SPRED2: variants seen among roughly 807,000 people sequenced by gnomAD.
SPRED2 encodes the protein sprouty-related, EVH1 domain-containing protein 2.
In SPRED2, 47 loss-of-function variants were observed where a neutral mutation model predicts 43.0. The ratio of observed to expected loss-of-function variants is 1.09; its 90% CI spans 0.87 to 1.40. SPRED2 has a LOEUF of 1.40. SPRED2 is among the 40% of genes most tolerant of loss of function. The pLI, the probability that SPRED2 is intolerant of heterozygous loss-of-function variation, is 0.00. For missense variants in SPRED2, 561 were observed against 586.4 expected (o/e 0.96, Z 0.45); for synonymous variants, 225 against 225.7 (o/e 1.00, Z 0.03).
At chr2:65,384,580 G>C (rs974466780) in intron 1 of SPRED2, among the ~76,000 whole-genome samples, 1 of 152,134 alleles carries the variant, frequency 6.6e-6, no homozygotes, top group Admixed American at 6.5e-5. Context: ...GGTAGCATAG[G>C]GTGCAGGCCC....
rs1317444816 is a variant in SPRED2 at position 65,313,431 on chromosome 2, G to C, written c.*70C>G. ...CCTTGGAGTGGAAGGGAGCGGGGGA[G>C]AAGATGAGAGTATGTAAGAGACGAG... On this transcript the variant is annotated 3_prime_UTR_variant, in exon 6 of 6. Coordinates refer to ENST00000356388, the MANE Select transcript of SPRED2 (RefSeq NM_181784.3). 6.5e-7 allele frequency: 1 copy of C among 1,529,536 alleles called. No individual in the cohort carries two copies. Among genetic ancestry groups the C allele is most frequent in the Non-Finnish European group, 8.8e-7 (1 of 1,142,056 alleles). The allele number at this position is 1,529,536 out of a possible 1,614,324, so 94.7% of individuals were successfully genotyped here.
At chr2:65,419,577 T>TTGTGTGTG (rs10541896) in intron 1 of SPRED2, among the ~76,000 whole-genome samples, 63 of 148,998 alleles carry the variant, frequency 4.2e-4, no homozygotes, top group East Asian at 2.2e-3. Context: ...GGGATTATAG[T>TTGTGTGTG]TGTGTGTGTG....
chr2:65,366,514 T>G, intron 1 of SPRED2: 1 of 1,470,360 alleles, frequency 6.8e-7, no homozygotes. Context: ...AAAAAAATGC[T>G]AAAAGCAGGC....
intron 1 of SPRED2, among the ~76,000 whole-genome samples, chr2:65,388,769 T>C (rs1041915086): frequency 2.0e-5 from 3 of 152,122 alleles, no homozygotes; most frequent in Non-Finnish European, 4.4e-5. Context: ...CACGGATGTT[T>C]CCTAGGTACC....
chr2:65,377,091 T>G (rs1028874789), intron 1 of SPRED2, among the ~76,000 whole-genome samples: 1 of 152,254 alleles, frequency 6.6e-6, no homozygotes, highest in Non-Finnish European at 1.5e-5. Flanking sequence ...GGATGTACCA[T>G]GATTTATTTA....
downstream of SPRED2, among the ~76,000 whole-genome samples, chr2:65,309,818 C>A (rs1673023218): frequency 6.6e-6 from 1 of 152,164 alleles, no homozygotes; most frequent in African/African-American, 2.4e-5. Context: ...CCCAGAGAAC[C>A]AGACGGACAG....
chr2:65,320,232 T>A (rs17030178), intron 4 of SPRED2, among the ~76,000 whole-genome samples: 1 of 152,182 alleles, frequency 6.6e-6, no homozygotes, highest in Admixed American at 6.5e-5. Flanking sequence ...AACATTGTAA[T>A]AAGCTCTCAG....
At chr2:65,367,906 A>G (rs1366139670) in intron 1 of SPRED2, among the ~76,000 whole-genome samples, 1 of 152,148 alleles carries the variant, frequency 6.6e-6, no homozygotes, top group Non-Finnish European at 1.5e-5. Flanking sequence ...TTAATGTTCA[A>G]ATTGGGTGTC....
chr2:65,363,012 T>TTTTTTTTTTC (rs1674867595), intron 1 of SPRED2, among the ~76,000 whole-genome samples: 1 of 140,760 alleles, frequency 7.1e-6, no homozygotes, highest in African/African-American at 2.8e-5. Flanking sequence ...TTTGTTTTTT[T>TTTTTTTTTTC]TTTTTTTTTT....
chr2:65,345,712 G>A (rs1036617817), intron 1 of SPRED2, among the ~76,000 whole-genome samples: 5 of 152,308 alleles, frequency 3.3e-5, no homozygotes, highest in Middle Eastern at 3.4e-3. Flanking sequence ...ATGAAATCAC[G>A]TATCTAGGTA....
At chr2:65,402,486 A>C (rs983913568) in intron 1 of SPRED2, among the ~76,000 whole-genome samples, 1 of 152,226 alleles carries the variant, frequency 6.6e-6, no homozygotes, top group South Asian at 2.1e-4. Context: ...ATAACTCTGG[A>C]GTTCTGAGAA....
At chr2:65,336,281 G>T (rs1027129872) in intron 2 of SPRED2, among the ~76,000 whole-genome samples, 62 of 152,224 alleles carry the variant, frequency 4.1e-4, no homozygotes, top group African/African-American at 1.4e-3. Flanking sequence ...CTTGAGCCTG[G>T]GAGGCTGAGG....
At chr2:65,421,453 C>T (rs963619966) in intron 1 of SPRED2, among the ~76,000 whole-genome samples, 2 of 152,212 alleles carry the variant, frequency 1.3e-5, no homozygotes, top group African/African-American at 4.8e-5. Flanking sequence ...ATCTCAGGAT[C>T]AGAATCCTCA....
At chr2:65,397,417 T>C (rs1302753722) in intron 1 of SPRED2, among the ~76,000 whole-genome samples, 2 of 152,176 alleles carry the variant, frequency 1.3e-5, no homozygotes, top group Admixed American at 1.3e-4. Context: ...GACATGTCTC[T>C]CTTTTTCCTT....
intron 2 of SPRED2, among the ~76,000 whole-genome samples, chr2:65,337,214 T>C (rs1398400929): frequency 6.6e-6 from 1 of 152,226 alleles, no homozygotes; most frequent in Non-Finnish European, 1.5e-5. Context: ...TAGTATCATA[T>C]GTATCTAAGT....
intron 2 of SPRED2, among the ~76,000 whole-genome samples, chr2:65,343,871 G>C (rs1674258426): frequency 6.6e-6 from 1 of 152,098 alleles, no homozygotes; most frequent in South Asian, 2.1e-4. Context: ...TATGGGCCAG[G>C]CACGGTGGCT....
At chr2:65,421,142 T>C (rs1676413909) in intron 1 of SPRED2, among the ~76,000 whole-genome samples, 1 of 152,142 alleles carries the variant, frequency 6.6e-6, no homozygotes, top group Non-Finnish European at 1.5e-5. Context: ...CACCGAGAAC[T>C]TTCTTTCAGC....
At chr2:65,345,427 G>A (rs2104269966) in intron 1 of SPRED2, among the ~76,000 whole-genome samples, 1 of 151,894 alleles carries the variant, frequency 6.6e-6, no homozygotes, top group South Asian at 2.1e-4. Flanking sequence ...TGCCTGGCTA[G>A]TTTTTTGTAT....
chr2:65,372,836 C>A (rs1481930935), intron 1 of SPRED2, among the ~76,000 whole-genome samples: 1 of 152,176 alleles, frequency 6.6e-6, no homozygotes. Context: ...CCACTCAGGC[C>A]AACTCAACCC....
Sources: gnomAD v4.1 joint callset for allele counts (sites outside exome capture counted in the v4.1 genomes callset) on GRCh38, gnomAD v4.1.1 for gene constraint, MANE v1.5 for transcripts, NCBI Gene and HGNC (gene_info 2026-07-23, HGNC 2026-07-21) for gene names.